ANKFN1: variants seen among roughly 807,000 people sequenced by gnomAD.
ANKFN1 encodes ankyrin repeat and fibronectin type-III domain-containing protein 1.
In ANKFN1, 74 loss-of-function variants were observed where a neutral mutation model predicts 108.7. The ratio of observed to expected loss-of-function variants is 0.68; its 90% CI spans 0.56 to 0.83. The LOEUF (loss-of-function observed/expected upper bound fraction) is 0.83. ANKFN1 is among the 40% of genes least tolerant of loss of function. The pLI is 0.00. For synonymous variants in ANKFN1, 547 were observed against 516.2 expected (o/e 1.06, Z -0.81); for missense variants, 1,505 against 1,382.3 (o/e 1.09, Z -1.41).
chr17:56,460,074 A>G (rs969046622), intron 14 of ANKFN1, among the ~76,000 whole-genome samples: 1 of 151,874 alleles, frequency 6.6e-6, no homozygotes, highest in Non-Finnish European at 1.5e-5. Context: ...AAAAATCACA[A>G]AAAAGGGCTG....
At chr17:56,241,443 A>G (rs949556119) in intron 3 of ANKFN1, among the ~76,000 whole-genome samples, 3 of 152,156 alleles carry the variant, frequency 2.0e-5, no homozygotes, top group African/African-American at 2.4e-5. Flanking sequence ...TGCTATCTCT[A>G]TCATGAACTT....
chr17:56,423,442 C>A (rs2048469959), intron 8 of ANKFN1, among the ~76,000 whole-genome samples: 1 of 152,158 alleles, frequency 6.6e-6, no homozygotes, highest in African/African-American at 2.4e-5. Context: ...CTCCTTACAC[C>A]AACACTGGTC....
At chr17:56,121,826 G>A (rs1015279375) in intron 4 of ANKFN1, among the ~76,000 whole-genome samples, 2 of 152,222 alleles carry the variant, frequency 1.3e-5, no homozygotes, top group African/African-American at 2.4e-5. Flanking sequence ...GATATTGGCT[G>A]TAGGTCCAAT....
intron 15 of ANKFN1, among the ~76,000 whole-genome samples, chr17:56,469,728 A>C (rs763347590): frequency 6.6e-6 from 1 of 152,178 alleles, no homozygotes; most frequent in Non-Finnish European, 1.5e-5. Flanking sequence ...GAGTAGCACA[A>C]AGTAGTGCTC....
At chr17:56,466,738 C>T (rs2050086218) in intron 15 of ANKFN1, among the ~76,000 whole-genome samples, 167 bp downstream of exon 15, 1 of 152,088 alleles carries the variant, frequency 6.6e-6, no homozygotes, top group African/African-American at 2.4e-5. Flanking sequence ...TTTATCACTC[C>T]CTAGATGTGG....
At chr17:56,067,131 G>A (rs1227861689) in intron 4 of ANKFN1, among the ~76,000 whole-genome samples, 1 of 152,136 alleles carries the variant, frequency 6.6e-6, no homozygotes, top group Non-Finnish European at 1.5e-5. Flanking sequence ...AGAGGTTGCA[G>A]TGAGCCGAGA....
At chr17:56,493,275 A>G (rs1214124188) in intron 19 of ANKFN1, among the ~76,000 whole-genome samples, 1 of 152,186 alleles carries the variant, frequency 6.6e-6, no homozygotes, top group African/African-American at 2.4e-5. Context: ...ACAAACAAAC[A>G]AATAAGTTTT....
intron 4 of ANKFN1, among the ~76,000 whole-genome samples, chr17:56,119,948 C>T (rs1906508330): frequency 1.3e-5 from 2 of 152,124 alleles, no homozygotes; most frequent in Non-Finnish European, 1.5e-5. Flanking sequence ...TATTTCACTC[C>T]ACACAGCTGT....
intron 1 of ANKFN1, chr17:56,184,987 T>C (rs903797429): frequency 1.3e-5 from 2 of 152,210 alleles, no homozygotes; most frequent in African/African-American, 4.8e-5. Context: ...AAGTAAGCGA[T>C]GGAACAGGAA....
intron 4 of ANKFN1, among the ~76,000 whole-genome samples, chr17:56,348,366 G>A (rs1253793000): frequency 6.6e-6 from 1 of 151,968 alleles, no homozygotes; most frequent in East Asian, 1.9e-4. Flanking sequence ...TGACTAAGTA[G>A]GACCACCTTA....
At chr17:56,055,478 G>GTGTATATATATA (rs2038339520) in intron 4 of ANKFN1, among the ~76,000 whole-genome samples, 2 of 145,952 alleles carry the variant, frequency 1.4e-5, no homozygotes, top group Non-Finnish European at 3.0e-5. Flanking sequence ...TTATGTCTGT[G>GTGTATATATATA]TGTATATATA....
intron 3 of ANKFN1, among the ~76,000 whole-genome samples, chr17:56,268,898 C>A (rs2043722456): frequency 6.6e-6 from 1 of 152,128 alleles, no homozygotes; most frequent in Middle Eastern, 3.4e-3. Context: ...TTATGCTAAG[C>A]CCTGGAGATT....
At chr17:56,351,247 G>A (rs75949296) in intron 5 of ANKFN1, among the ~76,000 whole-genome samples, 1 of 150,490 alleles carries the variant, frequency 6.6e-6, no homozygotes, top group African/African-American at 2.4e-5. Context: ...AAAAAAAAAA[G>A]CAGCTTGACA....
intron 4 of ANKFN1, among the ~76,000 whole-genome samples, chr17:56,071,972 A>T (rs1905125862): frequency 6.6e-6 from 1 of 152,234 alleles, no homozygotes; most frequent in South Asian, 2.1e-4. Context: ...GCAAGAGACC[A>T]GGGATTTGTG....
intron 11 of ANKFN1, among the ~76,000 whole-genome samples, chr17:56,454,299 T>C (rs1484206935): frequency 6.6e-6 from 1 of 152,226 alleles, no homozygotes; most frequent in Admixed American, 6.5e-5. Flanking sequence ...CTCTCTTTTG[T>C]CCTCTGGTTA....
Position 56,457,243 on chromosome 17 carries a change from CT to C in ANKFN1, c.1308-9del. The C allele has an allele frequency of 1.3e-6, 2 of 1,540,680 alleles. No individual in the cohort carries two copies. The highest frequency in any genetic ancestry group is 1.3e-5 in the South Asian group (1 of 79,602). On this transcript the variant is annotated splice_polypyrimidine_tract_variant and intron_variant, in intron 12 of 20. Transcript: ENST00000682825. ...GGTTGAGGACAATGCTTTTATTTTC[CT>C]TTTTCTTTTTAGGGGACTCTACATA...
intron 3 of ANKFN1, among the ~76,000 whole-genome samples, chr17:56,325,895 G>T (rs941669228): frequency 6.6e-5 from 10 of 152,208 alleles, no homozygotes; most frequent in Non-Finnish European, 1.0e-4. Context: ...TCACCCCTGA[G>T]TGACAGTCGG....
At chr17:56,124,145 C>T (rs1223753759) in intron 4 of ANKFN1, among the ~76,000 whole-genome samples, 1 of 152,184 alleles carries the variant, frequency 6.6e-6, no homozygotes, top group Non-Finnish European at 1.5e-5. Flanking sequence ...TTCAGTAGGT[C>T]TGGGACGGGG....
intron 5 of ANKFN1, among the ~76,000 whole-genome samples, chr17:56,352,962 G>T (rs2046282765): frequency 6.6e-6 from 1 of 152,060 alleles, no homozygotes. Context: ...GAGAGGGAGG[G>T]GTGAGTTTGA....
Sources: gnomAD v4.1 joint callset for allele counts (sites outside exome capture counted in the v4.1 genomes callset) on GRCh38, gnomAD v4.1.1 for gene constraint, MANE v1.5 for transcripts, NCBI Gene and HGNC (gene_info 2026-07-23, HGNC 2026-07-21) for gene names.